SH3PXD2A: variants seen among roughly 807,000 people sequenced by gnomAD.
SH3PXD2A encodes SH3 and PX domain-containing protein 2A.
A neutral mutation model predicts 115.2 loss-of-function variants in SH3PXD2A; 32 were observed. The ratio of observed to expected loss-of-function variants is 0.28; its 90% CI spans 0.21 to 0.37. The LOEUF (loss-of-function observed/expected upper bound fraction) is 0.37, where lower values mean the gene tolerates loss of function less well. Among genes scored for constraint, SH3PXD2A ranks in the 10% least tolerant of loss-of-function variants. The pLI, the probability that SH3PXD2A is intolerant of heterozygous loss-of-function variation, is 1.00. For missense variants in SH3PXD2A, 1,328 were observed against 1,498.7 expected (o/e 0.89, Z 1.88); for synonymous variants, 610 against 629.1 (o/e 0.97, Z 0.45).
chr10:103,675,107 C>T (rs1260040057), intron 6 of SH3PXD2A, among the ~76,000 whole-genome samples: 8 of 152,096 alleles, frequency 5.3e-5, no homozygotes, highest in Non-Finnish European at 1.2e-4. Context: ...GGGGTGAATA[C>T]TGTTATTGCA....
chr10:103,696,605 G>C (rs1264184774), intron 5 of SH3PXD2A, among the ~76,000 whole-genome samples: 1 of 152,192 alleles, frequency 6.6e-6, no homozygotes, highest in Non-Finnish European at 1.5e-5. Context: ...CTCCTGGTAG[G>C]TCACAGTCTA....
At chr10:103,814,974 G>A (rs1443738983) in intron 1 of SH3PXD2A, among the ~76,000 whole-genome samples, 2 of 129,012 alleles carry the variant, frequency 1.6e-5, no homozygotes, top group African/African-American at 2.6e-5. Flanking sequence ...GGCAAAGTGT[G>A]GCAGGCCAAC....
At position 103,693,009 on chromosome 10, in the gene SH3PXD2A, C is replaced by A. The variant is rs1266776460; in HGVS notation, c.427+19G>T. On this transcript the variant is annotated intron_variant, in intron 6 of 14. Transcript: ENST00000369774. ...GCGGGAAGGAAGGCTGAAGGGAAAACGCCCGGAGGCTCCCTTACCTGATTT... is the reference window on the plus strand; with the variant it reads ...GCGGGAAGGAAGGCTGAAGGGAAAAAGCCCGGAGGCTCCCTTACCTGATTT... 9 of 1,580,804 alleles carry A rather than the reference C, an allele frequency of 5.7e-6. No individual in the cohort carries two copies. The highest frequency in any genetic ancestry group is 2.4e-5 in the East Asian group (1 of 42,138).
intron 5 of SH3PXD2A, among the ~76,000 whole-genome samples, chr10:103,716,229 C>T (rs548761865): frequency 1.4e-4 from 22 of 152,298 alleles, no homozygotes; most frequent in South Asian, 1.0e-3. Context: ...GCAGGCCTCC[C>T]GCAGGATGGC....
rs758840616 is a variant in SH3PXD2A at position 103,603,376 on chromosome 10, C to T, written c.1842G>A (p.Leu614=). 5.0e-6 allele frequency: 8 copies of T among 1,614,050 alleles called. No homozygotes were observed. The highest frequency in any genetic ancestry group is 6.8e-6 in the Non-Finnish European group (8 of 1,180,036). ...CATTCTCATAGATGGTCTCCTCTTC[C>T]AGGGCCACATCCTCTGAAGACTCAC... is the stretch of plus-strand genomic sequence containing the variant. ...KVGESSEDVA[L]EEETIYENEG... The change falls in exon 15 of 15, where the codon CTG becomes CTA. Residue 614 remains leucine (L), a synonymous_variant. Transcript: ENST00000369774.
intron 4 of SH3PXD2A, among the ~76,000 whole-genome samples, chr10:103,729,165 G>A (rs1008791788): frequency 1.3e-5 from 2 of 152,182 alleles, no homozygotes; most frequent in East Asian, 3.8e-4. Flanking sequence ...CTCCCAAAGT[G>A]CTGGGATTAC....
In SH3PXD2A at chr10:103,600,981, CA is replaced by C. The variant is rs2036206115; in HGVS notation, c.*834del. On this transcript the variant is annotated 3_prime_UTR_variant, in exon 15 of 15. Coordinates refer to ENST00000369774, the MANE Select transcript of SH3PXD2A (RefSeq NM_001394015.1). ...AAGGCCTGACATATAAGCCCCAAAT[CA>C]ACAAACCTCTCCCGAAACATGCAAA... 6.6e-6 allele frequency: 1 copy of C among 152,214 alleles called. No individual in the cohort carries two copies. Among genetic ancestry groups the C allele is most frequent in the Non-Finnish European group, 1.5e-5 (1 of 68,048 alleles). The allele number at this position is 152,214 out of a possible 1,614,324, so 9.4% of individuals were successfully genotyped here. A position where few individuals can be genotyped will look rare whatever the true frequency, so the allele number is the denominator to read the frequency against.
intron 4 of SH3PXD2A, among the ~76,000 whole-genome samples, chr10:103,735,414 C>T (rs74157317): frequency 0.031 from 4,728 of 152,248 alleles, 228 homozygotes; most frequent in African/African-American, 0.1. Flanking sequence ...AGCAAGCAGC[C>T]CTTCAGAAGG....
chr10:103,730,022 T>C (rs2038295092), intron 4 of SH3PXD2A, among the ~76,000 whole-genome samples: 1 of 152,192 alleles, frequency 6.6e-6, no homozygotes, highest in African/African-American at 2.4e-5. Flanking sequence ...TCTTTGCACA[T>C]GCAAGTGGCA....
In SH3PXD2A at chr10:103,600,553, G is replaced by T. The variant is rs2036200762; in HGVS notation, c.*1263C>A. ...TACGTAAGGCTTCCAGCCCTGCCCA[G>T]CTGGGGAACACACGCAGAATGGCGG... On this transcript the variant is annotated 3_prime_UTR_variant, in exon 15 of 15. Coordinates refer to ENST00000369774, the MANE Select transcript of SH3PXD2A (RefSeq NM_001394015.1). 1 of 152,264 alleles carries T rather than the reference G, an allele frequency of 6.6e-6. No individual in the cohort carries two copies. Among genetic ancestry groups the T allele is most frequent in the African/African-American group, 2.4e-5 (1 of 41,464 alleles). 9.4% of individuals were successfully genotyped at this position (152,264 alleles called of 1,614,324 possible).
chr10:103,601,596 T>G lies in SH3PXD2A; in HGVS notation c.*220A>C. ...CCCAGGCCTGGGACTCCCTGGTCCATTCCCTTCCTCACTCAGTGTGGGCAC... is the reference window on the plus strand; with the variant it reads ...CCCAGGCCTGGGACTCCCTGGTCCAGTCCCTTCCTCACTCAGTGTGGGCAC... On this transcript the variant is annotated 3_prime_UTR_variant, in exon 15 of 15. Coordinates refer to ENST00000369774, the MANE Select transcript of SH3PXD2A (RefSeq NM_001394015.1). The G allele has an allele frequency of 4.1e-6, 2 of 490,150 alleles. No individual in the cohort carries two copies. Among genetic ancestry groups the G allele is most frequent in the Non-Finnish European group, 7.3e-6 (2 of 274,088 alleles). The allele number at this position is 490,150 out of a possible 1,614,324, so 30.4% of individuals were successfully genotyped here. A position where few individuals can be genotyped will look rare whatever the true frequency, so the allele number is the denominator to read the frequency against.
intron 3 of SH3PXD2A, among the ~76,000 whole-genome samples, chr10:103,765,223 G>A (rs1404266667): frequency 7.9e-5 from 12 of 152,232 alleles, no homozygotes; most frequent in Admixed American, 5.2e-4. Flanking sequence ...CTGAGGTAGC[G>A]GCAGTACACA....
At chr10:103,696,956 C>T (rs1170044493) in intron 5 of SH3PXD2A, among the ~76,000 whole-genome samples, 1 of 152,134 alleles carries the variant, frequency 6.6e-6, no homozygotes, top group African/African-American at 2.4e-5. Flanking sequence ...GGAGTTCCTC[C>T]AACCAGCACT....
At chr10:103,753,169 T>G (rs1292466386) in intron 3 of SH3PXD2A, among the ~76,000 whole-genome samples, 1 of 151,812 alleles carries the variant, frequency 6.6e-6, no homozygotes, top group Non-Finnish European at 1.5e-5. Flanking sequence ...TCCCACTTTG[T>G]GGCAAGGACA....
chr10:103,649,498 G>A (rs1337906036), intron 8 of SH3PXD2A, among the ~76,000 whole-genome samples: 3 of 152,300 alleles, frequency 2.0e-5, no homozygotes, highest in African/African-American at 2.4e-5. Flanking sequence ...CCAATGCCTC[G>A]AGCAAGAAGT....
chr10:103,788,927 G>A (rs2039005812), intron 2 of SH3PXD2A, among the ~76,000 whole-genome samples: 1 of 152,126 alleles, frequency 6.6e-6, no homozygotes, highest in Admixed American at 6.6e-5. Context: ...CACAGGGATG[G>A]CAGCAACTGA....
intron 8 of SH3PXD2A, among the ~76,000 whole-genome samples, chr10:103,645,632 G>A (rs880869): frequency 0.071 from 10,854 of 152,132 alleles, 1,037 homozygotes; most frequent in African/African-American, 0.22. Flanking sequence ...CACCAGGAAC[G>A]GGCCGACATT....
chr10:103,601,630 C>G lies in SH3PXD2A; in HGVS notation c.*186G>C. On this transcript the variant is annotated 3_prime_UTR_variant, in exon 15 of 15. Coordinates refer to ENST00000369774, the MANE Select transcript of SH3PXD2A (RefSeq NM_001394015.1). ...TCACTCAGTGTGGGCACCCCCATCC[C>G]CTACCTTCCAGCTGTGGGATGGCTT... 2 of 575,950 alleles carry G rather than the reference C, an allele frequency of 3.5e-6. No homozygotes were observed. The highest frequency in any genetic ancestry group is 6.2e-6 in the Non-Finnish European group (2 of 322,230). The allele number at this position is 575,950 out of a possible 1,614,324, so 35.7% of individuals were successfully genotyped here.
intron 4 of SH3PXD2A, among the ~76,000 whole-genome samples, chr10:103,727,529 A>G (rs929913459): frequency 9.2e-5 from 14 of 152,046 alleles, no homozygotes; most frequent in Non-Finnish European, 4.4e-5. Context: ...CCTGAAAGGG[A>G]GAAGGAGGGA....
Sources: gnomAD v4.1 joint callset for allele counts (sites outside exome capture counted in the v4.1 genomes callset) on GRCh38, gnomAD v4.1.1 for gene constraint, MANE v1.5 for transcripts, NCBI Gene and HGNC (gene_info 2026-07-23, HGNC 2026-07-21) for gene names.